The following ACSM6 variants were observed in gnomAD, a reference collection of about 807,000 sequenced individuals.
ACSM6 encodes the protein acyl-CoA synthetase medium chain family member 6.
ACSM6 carries 35 observed loss-of-function variants against 51.1 expected under a neutral mutation model. The ratio of observed to expected loss-of-function variants is 0.69; its 90% CI spans 0.52 to 0.91. ACSM6 has a LOEUF of 0.91. ACSM6 is among the 40% of genes least tolerant of loss of function. The probability of loss-of-function intolerance (pLI) is 0.00; values close to 1 mark genes in which losing one functional copy is unlikely to be tolerated. For missense variants in ACSM6, 509 were observed against 584.1 expected (o/e 0.87, Z 1.32); for synonymous variants, 172 against 207.3 (o/e 0.83, Z 1.46).
At chr10:95,195,424 G>C (rs567514657) in intron 2 of ACSM6, among the ~76,000 whole-genome samples, 1 of 152,328 alleles carries the variant, frequency 6.6e-6, no homozygotes, top group East Asian at 1.9e-4. Flanking sequence ...GTTTGGCTAG[G>C]TATAGGGTCA....
At chr10:95,210,436 G>A (rs1447584958) in intron 4 of ACSM6, among the ~76,000 whole-genome samples, 2 of 152,052 alleles carry the variant, frequency 1.3e-5, no homozygotes, top group African/African-American at 2.4e-5. Context: ...TAAGGCTGGC[G>A]TATAAATGCA....
intron 10 of ACSM6, chr10:95,228,415 T>A (rs992527018): frequency 6.6e-6 from 3 of 454,122 alleles, no homozygotes; most frequent in Non-Finnish European, 1.2e-5. Flanking sequence ...AGTGCCATCA[T>A]TACTCTTGTT....
chr10:95,206,985 A>C (rs1363523298), intron 3 of ACSM6, among the ~76,000 whole-genome samples: 2 of 152,182 alleles, frequency 1.3e-5, no homozygotes, highest in Non-Finnish European at 2.9e-5. Flanking sequence ...AGGTGAAAGG[A>C]TAACAGCAAC....
At chr10:95,212,779 C>T (rs2034905919) in intron 6 of ACSM6, 79 bp from the exon 7 acceptor site, 1 of 1,157,022 alleles carries the variant, frequency 8.6e-7, no homozygotes. Flanking sequence ...CTGGACTTTC[C>T]CGCCTGGACC....
At chr10:95,217,415 A>G (rs1461535351) in intron 8 of ACSM6, among the ~76,000 whole-genome samples, 2 of 152,148 alleles carry the variant, frequency 1.3e-5, no homozygotes, top group African/African-American at 2.4e-5. Context: ...TCACTGCCAG[A>G]TGGTCCATAA....
chr10:95,220,711 T>A (rs1370110762), intron 9 of ACSM6, among the ~76,000 whole-genome samples: 3 of 152,200 alleles, frequency 2.0e-5, no homozygotes, highest in Admixed American at 2.0e-4. Context: ...TGTAGAGTTC[T>A]ATTTTTTGTT....
intron 2 of ACSM6, among the ~76,000 whole-genome samples, chr10:95,197,906 C>T (rs900250023): frequency 1.1e-4 from 17 of 152,312 alleles, no homozygotes; most frequent in Middle Eastern, 3.4e-3. Flanking sequence ...CCGCAGTGCA[C>T]TGTGCCCCTG....
At chr10:95,202,005 C>T in exon 3 of ACSM6, 1 of 1,551,636 alleles carries the variant, frequency 6.4e-7, no homozygotes, top group Non-Finnish European at 8.7e-7. Flanking sequence ...GAGGGCCTTA[C>T]CCCGCCCTCT....
At position 95,201,919 on chromosome 10, in the gene ACSM6, C is replaced by G. The variant is rs1224348836; in HGVS notation, c.193-66C>G. The G allele has an allele frequency of 3.6e-6, 5 of 1,400,046 alleles. No homozygotes were observed. The East Asian group carries it at 1.2e-4, about 35-fold the overall frequency. 86.7% of individuals were successfully genotyped at this position (1,400,046 alleles called of 1,614,324 possible). On this transcript the variant is annotated intron_variant, in intron 2 of 10. Transcript: ENST00000341686. Reference sequence around the variant, plus strand: ...GCCACTTGAGGGTGCTGTCTGGCAACAGTGGCCTCCCATAGCCAATGTCCA... The same window carrying G: ...GCCACTTGAGGGTGCTGTCTGGCAAGAGTGGCCTCCCATAGCCAATGTCCA...
intron 4 of ACSM6, among the ~76,000 whole-genome samples, chr10:95,209,019 T>C (rs545343770): frequency 1.8e-5 from 2 of 108,812 alleles, no homozygotes; most frequent in East Asian, 2.9e-4. Context: ...AGACAACAAA[T>C]AGACAACAAG....
intron 4 of ACSM6, among the ~76,000 whole-genome samples, chr10:95,208,933 T>TAAAAA (rs34370150): frequency 0.069 from 2,356 of 33,904 alleles, 452 homozygotes; most frequent in Middle Eastern, 0.11. Context: ...CAGGGATGTT[T>TAAAAA]AAAAAAAAAA....
chr10:95,217,478 C>G (rs1337291156), intron 8 of ACSM6, among the ~76,000 whole-genome samples: 1 of 151,606 alleles, frequency 6.6e-6, no homozygotes, highest in Admixed American at 6.6e-5. Context: ...GAATTGAATA[C>G]CCAATGTTTT....
At chr10:95,211,995 G>A in exon 6 of ACSM6, 1 of 1,614,112 alleles carries the variant, frequency 6.2e-7, no homozygotes, top group Non-Finnish European at 8.5e-7. Flanking sequence ...GTGTGTTTCT[G>A]TGTCACATGC....
At chr10:95,228,471 C>A in intron 10 of ACSM6, 173 bp from the exon 11 acceptor site, 1 of 569,002 alleles carries the variant, frequency 1.8e-6, no homozygotes, top group Non-Finnish European at 2.8e-6. Flanking sequence ...GAGAAATGAC[C>A]AAGGAAAGTT....
Position 95,204,561 on chromosome 10 carries a change from A to T in ACSM6, c.403+2366A>T, listed in dbSNP as rs529634570. Among the ~76,000 whole-genome samples, 416 of 152,188 alleles carry T rather than the reference A, an allele frequency of 2.7e-3. 2 individuals carry two copies. Among genetic ancestry groups the T allele is most frequent in the Middle Eastern group, 0.02 (6 of 294 alleles). ...AGAATGAGACTCTGTCTATTTAAAAAAATAATAATAATAATAATTTATCAG... is the reference window on the plus strand; with the variant it reads ...AGAATGAGACTCTGTCTATTTAAAATAATAATAATAATAATAATTTATCAG... On this transcript the variant is annotated intron_variant, in intron 3 of 10. Transcript: ENST00000341686.
At chr10:95,223,335 A>G (rs1206573445) in intron 9 of ACSM6, among the ~76,000 whole-genome samples, 2 of 152,188 alleles carry the variant, frequency 1.3e-5, no homozygotes, top group African/African-American at 4.8e-5. Flanking sequence ...AAATGGGGTC[A>G]TAGTATGAGC....
At chr10:95,220,192 G>A (rs900651244) in intron 9 of ACSM6, among the ~76,000 whole-genome samples, 64 of 152,108 alleles carry the variant, frequency 4.2e-4, no homozygotes, top group African/African-American at 1.5e-3. Context: ...TGACAATTTT[G>A]CAGAATATCC....
intron 9 of ACSM6, among the ~76,000 whole-genome samples, chr10:95,224,838 C>T (rs897683526): frequency 6.6e-6 from 1 of 152,186 alleles, no homozygotes; most frequent in Non-Finnish European, 1.5e-5. Flanking sequence ...CTTTATATTT[C>T]TTTTCTTATA....
At chr10:95,198,665 T>C (rs1259471467) in intron 2 of ACSM6, among the ~76,000 whole-genome samples, 2 of 150,804 alleles carry the variant, frequency 1.3e-5, no homozygotes, top group African/African-American at 4.9e-5. Context: ...AAAAAAAAAA[T>C]TACTTCCATG....
Sources: allele counts gnomAD v4.1 joint callset (sites outside exome capture counted in the v4.1 genomes callset), GRCh38; gene constraint gnomAD v4.1.1; transcripts MANE v1.5; gene names NCBI Gene and HGNC (gene_info 2026-07-23, HGNC 2026-07-21).